Variants in NFE2L1 observed in about 807,000 individuals in gnomAD.
NFE2L1 encodes endoplasmic reticulum membrane sensor NFE2L1.
A neutral mutation model predicts 61.6 loss-of-function variants in NFE2L1; 18 were observed. The observed-to-expected ratio is 0.29, with a 90% confidence interval of 0.20 to 0.43. NFE2L1 has a LOEUF of 0.43. Among genes scored for constraint, NFE2L1 ranks in the 20% least tolerant of loss-of-function variants. The probability of loss-of-function intolerance (pLI) is 1.00; values close to 1 mark genes in which losing one functional copy is unlikely to be tolerated. For missense variants in NFE2L1, 827 were observed against 973.5 expected (o/e 0.85, Z 2.00); for synonymous variants, 419 against 402.7 (o/e 1.04, Z -0.48).
chr17:48,056,012 T>G, intron 2 of NFE2L1: 1 of 209,444 alleles, frequency 4.8e-6, no homozygotes, highest in Non-Finnish European at 9.7e-6. Flanking sequence ...CAAACCAAGT[T>G]TTAAGGGGTC....
intron 3 of NFE2L1, 49 bp from the exon 4 acceptor site, chr17:48,056,983 A>G: frequency 6.3e-7 from 1 of 1,588,074 alleles, no homozygotes; most frequent in Non-Finnish European, 8.6e-7. Flanking sequence ...CTTCAGCCCC[A>G]GGCAGCCAAG....
At chr17:48,049,378 C>CCTTTT (rs1567749409) in intron 1 of NFE2L1, among the ~76,000 whole-genome samples, 1 of 151,958 alleles carries the variant, frequency 6.6e-6, no homozygotes, top group Non-Finnish European at 1.5e-5. Context: ...TTTTTTCTTT[C>CCTTTT]CTTTTCTTTT....
At chr17:48,057,987 C>A (rs1007395196) in intron 5 of NFE2L1, among the ~76,000 whole-genome samples, 1 of 152,194 alleles carries the variant, frequency 6.6e-6, no homozygotes, top group African/African-American at 2.4e-5. Context: ...TCTGGGTGTT[C>A]TTTTCACTGT....
At chr17:48,050,434 A>G (rs2037220580) in intron 1 of NFE2L1, among the ~76,000 whole-genome samples, 173 bp from the exon 2 acceptor site, 1 of 152,012 alleles carries the variant, frequency 6.6e-6, no homozygotes, top group East Asian at 1.9e-4. Context: ...AGCACAGATC[A>G]CGCCACTGCA....
At position 48,057,404 on chromosome 17, in the gene NFE2L1, C is replaced by T. The variant is rs1017605279; in HGVS notation, c.874C>T (p.Leu292Phe). The T allele has an allele frequency of 1.2e-6, 2 of 1,614,104 alleles. No individual in the cohort carries two copies. Among genetic ancestry groups the T allele is most frequent in the African/African-American group, 2.7e-5 (2 of 74,928 alleles). ...AVPSESEPPALQNNLLSPLLT... is the reference protein window; with the variant it reads ...AVPSESEPPAFQNNLLSPLLT... ...GCCTAGTGAGAGTGAGCCCCCTGCT[C>T]TTCAAAACAACCTCTTGTCTCCTCT... Residue 292 changes from leucine to phenylalanine, a missense_variant, in exon 5 of 6, where the codon CTT becomes TTT. Around this residue, in one of 3 missense-constraint regions of NFE2L1, gnomAD observed 667 missense variants for 748.4 expected, o/e 0.89. Transcript: ENST00000362042.
rs2144398782 is a variant in NFE2L1, at chr17:48,059,405, C to T, written c.2083C>T (p.Arg695Trp). The change falls in exon 6 of 6, where the codon CGG becomes TGG. Residue 695 changes from arginine to tryptophan, a missense_variant. By Grantham distance (101) the Arg-to-Trp change is moderately radical. Coordinates refer to ENST00000362042, the MANE Select transcript of NFE2L1 (RefSeq NM_003204.3). This position sits in a 1 kb window ranked among gnomAD's most constrained non-coding sequence, Gnocchi z 6.1. ...DVEDLQRDKA[R>W]LLREKVEFLR... Reference sequence around the variant, plus strand: ...GGAGGACCTGCAGCGTGACAAAGCCCGGCTGCTGCGGGAGAAAGTGGAGTT... The same window carrying T: ...GGAGGACCTGCAGCGTGACAAAGCCTGGCTGCTGCGGGAGAAAGTGGAGTT... 3.1e-6 allele frequency: 5 copies of T among 1,614,190 alleles called. No individual in the cohort carries two copies. The highest frequency in any genetic ancestry group is 2.2e-5 in the South Asian group (2 of 91,086).
At position 48,058,229 on chromosome 17, in the gene NFE2L1, C is replaced by G. The variant is rs1315707399; in HGVS notation, c.973-66C>G. 3.3e-6 allele frequency: 5 copies of G among 1,512,234 alleles called. No homozygotes were observed. The African/African-American group carries it at 7.0e-5, about 21-fold the overall frequency. The allele number at this position is 1,512,234 out of a possible 1,614,324, so 93.7% of individuals were successfully genotyped here. ...CAGCTGTGCCTCTGTTGGGTGCCTG[C>G]AGTGTGTGAGCCCCAGGGGAGGGAG... On this transcript the variant is annotated intron_variant, in intron 5 of 5. Transcript: ENST00000362042.
rs182345537 is a variant in NFE2L1, at chr17:48,051,416, G to T, written c.298G>T (p.Val100Leu). Reference sequence around the variant, plus strand: ...CAGGTTCCAGGTGCCAACCACTGAGGTAAATGCCTGGCTGGTTCACCGAGA... The same window carrying T: ...CAGGTTCCAGGTGCCAACCACTGAGTTAAATGCCTGGCTGGTTCACCGAGA... Reference protein sequence around the residue: ...LDRFQVPTTEVNAWLVHRDPE... With the variant: ...LDRFQVPTTELNAWLVHRDPE... Residue 100 changes from valine to leucine, a missense_variant, in exon 2 of 6, where the codon GTA becomes TTA. Val to Leu is a conservative substitution (Grantham distance 32). Transcript: ENST00000362042. 2.8e-4 allele frequency: 457 copies of T among 1,614,212 alleles called. 5 individuals carry two copies. The East Asian group carries it at 8.8e-3, about 31-fold the overall frequency.
rs1423204520 is a variant in NFE2L1, at chr17:48,057,045, A to T, written c.737A>T (p.Glu246Val). ...CTGTTGCCACAGGTGCCTAGTGGGG[A>T]GGACCAGACGGCCCTGTCCCTGGAA... ...ESFPAQVPSG[E>V]DQTALSLEEC... The change falls in exon 4 of 6, where the codon GAG (glutamate) becomes GTG (valine). Residue 246 changes from glutamate to valine, a missense_variant. Physicochemically the swap from Glu to Val is moderately radical, Grantham distance 121. This residue lies in a region of NFE2L1 where 667 missense variants were observed against 748.4 expected (regional missense o/e 0.89). Transcript: ENST00000362042. 6 of 1,613,898 alleles carry T rather than the reference A, an allele frequency of 3.7e-6. No individual in the cohort carries two copies. The highest frequency in any genetic ancestry group is 1.7e-4 in the Middle Eastern group (1 of 6,042).
intron 4 of NFE2L1, 36 bp downstream of exon 4, chr17:48,057,157 C>T (rs202211497): frequency 1.2e-6 from 2 of 1,608,096 alleles, no homozygotes; most frequent in Admixed American, 3.4e-5. Context: ...ACCAAGTGAG[C>T]AGGGCAGCCT....
In NFE2L1 at chr17:48,055,073, C is replaced by G. The variant is rs1170839316; in HGVS notation, c.511-1313C>G. The G allele has an allele frequency of 2.0e-6, 3 of 1,492,060 alleles. No individual in the cohort carries two copies. The African/African-American group carries it at 4.3e-5, about 21-fold the overall frequency. The allele number at this position is 1,492,060 out of a possible 1,614,324, so 92.4% of individuals were successfully genotyped here. On this transcript the variant is annotated intron_variant, in intron 2 of 5. Coordinates refer to ENST00000362042, the MANE Select transcript of NFE2L1 (RefSeq NM_003204.3). ...TGGTGGGGGCCATGCCAAAGGCAGC[C>G]GGCCCCTTAACTCTTTGCTGGCTGG...
intron 1 of NFE2L1, 150 bp from the exon 2 acceptor site, chr17:48,050,457 C>A: frequency 2.6e-6 from 1 of 379,580 alleles, no homozygotes; most frequent in Non-Finnish European, 4.6e-6. Flanking sequence ...CTAGCCTGGG[C>A]GACAGAGTGA....
intron 5 of NFE2L1, among the ~76,000 whole-genome samples, chr17:48,057,937 G>T (rs761107698): frequency 2.1e-4 from 32 of 152,194 alleles, no homozygotes; most frequent in Non-Finnish European, 4.3e-4. Context: ...TGTGCCCATC[G>T]TCACACAGCA....
chr17:48,057,243 C>G, intron 4 of NFE2L1, 101 bp from the exon 5 acceptor site: 1 of 1,588,182 alleles, frequency 6.3e-7, no homozygotes, highest in South Asian at 1.1e-5. Context: ...GGGGTAAATG[C>G]AGAGGAAGGA....
Position 48,059,840 on chromosome 17 carries a change from G to T in NFE2L1, c.*199G>T. On this transcript the variant is annotated 3_prime_UTR_variant, in exon 6 of 6. Transcript: ENST00000362042. The surrounding 1 kb of genome is among the most constrained non-coding windows in gnomAD (Gnocchi z 6.1). ...AGCTCCACTCGGGTGGAGTGGAAGT[G>T]GCCAGACCATTTAGACGGACAGGGT... The T allele has an allele frequency of 1.4e-6, 1 of 731,372 alleles. No individual in the cohort carries two copies. The highest frequency in any genetic ancestry group is 3.3e-5 in the Admixed American group (1 of 30,696). The allele number at this position is 731,372 out of a possible 1,614,324, so 45.3% of individuals were successfully genotyped here.
In NFE2L1 at chr17:48,059,406, G is replaced by A. The variant is rs144484468; in HGVS notation, c.2084G>A (p.Arg695Gln). ...DVEDLQRDKA[R>Q]LLREKVEFLR... ...GAGGACCTGCAGCGTGACAAAGCCC[G>A]GCTGCTGCGGGAGAAAGTGGAGTTC... The change falls in exon 6 of 6, where the codon CGG (arginine) becomes CAG (glutamine). Residue 695 changes from arginine (R) to glutamine (Q), a missense_variant. Transcript: ENST00000362042. This position sits in a 1 kb window ranked among gnomAD's most constrained non-coding sequence, Gnocchi z 6.1. 485 of 1,614,062 alleles carry A rather than the reference G, an allele frequency of 3.0e-4. No homozygotes were observed. Among genetic ancestry groups the A allele is most frequent in the Non-Finnish European group, 3.9e-4 (458 of 1,180,038 alleles).
Position 48,051,048 on chromosome 17 carries a change from A to T in NFE2L1, c.-71A>T. 6.3e-7 allele frequency: 1 copy of T among 1,590,800 alleles called. No homozygotes were observed. Among genetic ancestry groups the T allele is most frequent in the Middle Eastern group, 1.7e-4 (1 of 5,800 alleles). ...GGTAACCTGCTGGCTGGAGCGGCAG[A>T]GCAGTGGCCTTGATTTGTCTTTTGG... On this transcript the variant is annotated 5_prime_UTR_variant, in exon 2 of 6. Transcript: ENST00000362042.
chr17:48,059,142 TG>T lies in NFE2L1; in HGVS notation c.1822del (p.Asp608ThrfsTer4), dbSNP rs1466849673. 1 of 1,613,916 alleles carries T rather than the reference TG, an allele frequency of 6.2e-7. No individual in the cohort carries two copies. Among genetic ancestry groups the T allele is most frequent in the Non-Finnish European group, 8.5e-7 (1 of 1,180,006 alleles). The part of the protein sequence containing the change: ...KGSKEKQADF[L>X]DKQMSRDEHR... Reference sequence around the variant, plus strand: ...AGCAAGGAGAAGCAGGCTGACTTCCTGGACAAGCAGATGAGCCGGGATGAGC... The same window carrying T: ...AGCAAGGAGAAGCAGGCTGACTTCCTGACAAGCAGATGAGCCGGGATGAGC... On this transcript the variant is annotated frameshift_variant, in exon 6 of 6. Coordinates refer to ENST00000362042, the MANE Select transcript of NFE2L1 (RefSeq NM_003204.3). LOFTEE classifies it high-confidence loss of function. The surrounding 1 kb of genome is among the most constrained non-coding windows in gnomAD (Gnocchi z 6.1).
At chr17:48,056,887 G>T in intron 3 of NFE2L1, 145 bp from the exon 4 acceptor site, 1 of 808,074 alleles carries the variant, frequency 1.2e-6, no homozygotes, top group Non-Finnish European at 2.0e-6. Context: ...CTCTTCTGTT[G>T]TTTCTGGGAG....
Sources: allele counts gnomAD v4.1 joint callset (sites outside exome capture counted in the v4.1 genomes callset), GRCh38; gene constraint gnomAD v4.1.1; regional missense constraint gnomAD v4.1.1; non-coding constraint Gnocchi (gnomAD v3.1); transcripts MANE v1.5; gene names NCBI Gene and HGNC (gene_info 2026-07-23, HGNC 2026-07-21).